The following PRELID2 variants were observed in gnomAD, a reference collection of about 807,000 sequenced individuals.
The protein encoded by PRELID2 is PRELI domain-containing protein 2.
PRELID2 carries 25 observed loss-of-function variants against 28.4 expected under a neutral mutation model. The ratio of observed to expected loss-of-function variants is 0.88; its 90% CI spans 0.64 to 1.23. The LOEUF is 1.23. PRELID2 is among the 50% of genes most tolerant of loss of function. The probability of loss-of-function intolerance (pLI) is 0.00; values close to 1 mark genes in which losing one functional copy is unlikely to be tolerated. For synonymous variants in PRELID2, 76 were observed against 71.6 expected (o/e 1.06, Z -0.31); for missense variants, 201 against 214.4 (o/e 0.94, Z 0.39).
intron 1 of PRELID2, among the ~76,000 whole-genome samples, chr5:145,746,495 T>G (rs1756994711): frequency 6.6e-6 from 1 of 152,132 alleles, no homozygotes; most frequent in East Asian, 1.9e-4. Context: ...TCTAAATATA[T>G]ATATGTACCC....
At chr5:145,397,372 T>G in the PRELID2 span, among the ~76,000 whole-genome samples, 1 of 152,112 alleles carries the variant, frequency 6.6e-6, no homozygotes, top group African/African-American at 2.4e-5. Flanking sequence ...AAATAGCATG[T>G]TGCTTGCTGT....
intron 5 of PRELID2, among the ~76,000 whole-genome samples, chr5:145,767,885 C>A (rs1461913896): frequency 6.6e-6 from 1 of 152,122 alleles, no homozygotes; most frequent in African/African-American, 2.4e-5. Flanking sequence ...TTAATCATTT[C>A]TGAAGATATA....
At chr5:145,701,061 G>C (rs1755394657) in intron 1 of PRELID2, among the ~76,000 whole-genome samples, 1 of 152,204 alleles carries the variant, frequency 6.6e-6, no homozygotes, top group Non-Finnish European at 1.5e-5. Flanking sequence ...TGCAGGCTCA[G>C]GCCAGTGGCC....
chr5:145,412,156 G>C, the PRELID2 span, among the ~76,000 whole-genome samples: 2 of 152,086 alleles, frequency 1.3e-5, no homozygotes, highest in Non-Finnish European at 2.9e-5. Context: ...TTAATATTTG[G>C]TTCCTCATTA....
chr5:145,802,801 GA>G (rs1444075755), intron 4 of PRELID2, among the ~76,000 whole-genome samples: 1 of 152,312 alleles, frequency 6.6e-6, no homozygotes, highest in Middle Eastern at 3.4e-3. Context: ...TTGTGAAAAT[GA>G]AGGGCAGCTT....
intron 4 of PRELID2, among the ~76,000 whole-genome samples, chr5:145,815,001 C>T (rs945803371): frequency 2.0e-5 from 3 of 152,300 alleles, no homozygotes; most frequent in Middle Eastern, 3.4e-3. Flanking sequence ...GGTGCCCTCC[C>T]CTGCCACCCC....
chr5:145,787,679 A>G (rs1264753446), intron 5 of PRELID2, among the ~76,000 whole-genome samples: 1 of 151,882 alleles, frequency 6.6e-6, no homozygotes, highest in African/African-American at 2.4e-5. Flanking sequence ...AGCTGGGATT[A>G]TAGGCATGCA....
chr5:145,493,451 G>A (rs1358223354), intron 1 of PRELID2, among the ~76,000 whole-genome samples: 1 of 152,170 alleles, frequency 6.6e-6, no homozygotes, highest in Non-Finnish European at 1.5e-5. Flanking sequence ...TATTGCTTCA[G>A]TGTCCTGATT....
At chr5:145,799,976 C>A (rs1045076435) in intron 4 of PRELID2, among the ~76,000 whole-genome samples, 2 of 152,158 alleles carry the variant, frequency 1.3e-5, no homozygotes, top group African/African-American at 2.4e-5. Flanking sequence ...AATTCAATTT[C>A]TTTGTAATAA....
the PRELID2 span, among the ~76,000 whole-genome samples, chr5:145,334,381 TTAA>T: frequency 6.6e-6 from 1 of 152,248 alleles, no homozygotes; most frequent in Non-Finnish European, 1.5e-5. Flanking sequence ...CTTTATCTTA[TTAA>T]TGTCACAATT....
chr5:145,440,257 G>C, the PRELID2 span, among the ~76,000 whole-genome samples: 1 of 152,084 alleles, frequency 6.6e-6, no homozygotes, highest in Non-Finnish European at 1.5e-5. Flanking sequence ...TGAGAGGATA[G>C]AGCCTTCCCC....
the PRELID2 span, among the ~76,000 whole-genome samples, chr5:145,230,953 G>A: frequency 6.6e-6 from 1 of 152,168 alleles, no homozygotes. Flanking sequence ...TCTTTCTGGA[G>A]AGAGATAACA....
chr5:145,327,258 C>G, the PRELID2 span, among the ~76,000 whole-genome samples: 23 of 152,172 alleles, frequency 1.5e-4, no homozygotes, highest in East Asian at 4.1e-3. Flanking sequence ...TAATTTCCCT[C>G]TTTAATTATG....
intron 5 of PRELID2, among the ~76,000 whole-genome samples, chr5:145,781,632 T>C (rs571609203): frequency 3.6e-5 from 5 of 137,288 alleles, no homozygotes; most frequent in South Asian, 2.3e-4. Flanking sequence ...ACTATATATA[T>C]ACACACTATA....
intron 5 of PRELID2, among the ~76,000 whole-genome samples, chr5:145,779,729 C>G (rs761397750): frequency 6.6e-6 from 1 of 152,040 alleles, no homozygotes; most frequent in Non-Finnish European, 1.5e-5. Context: ...CTCCTTCACT[C>G]TCATACTCAT....
At chr5:145,358,017 T>C in the PRELID2 span, among the ~76,000 whole-genome samples, 5 of 152,066 alleles carry the variant, frequency 3.3e-5, no homozygotes, top group Admixed American at 3.3e-4. Context: ...TCTTGGGTCT[T>C]GGACGAGCCC....
chr5:145,238,273 T>C, the PRELID2 span, among the ~76,000 whole-genome samples: 11 of 152,240 alleles, frequency 7.2e-5, no homozygotes, highest in South Asian at 2.1e-4. Context: ...TATAAGGTAA[T>C]TGTTATCCCC....
At chr5:145,263,726 A>G in the PRELID2 span, among the ~76,000 whole-genome samples, 1 of 152,100 alleles carries the variant, frequency 6.6e-6, no homozygotes, top group African/African-American at 2.4e-5. Flanking sequence ...TACATGCATA[A>G]ACTAGAAAAC....
the PRELID2 span, among the ~76,000 whole-genome samples, chr5:145,251,392 T>C: frequency 3.9e-5 from 6 of 152,146 alleles, no homozygotes; most frequent in Non-Finnish European, 8.8e-5. Context: ...AAGTTGCTGT[T>C]AGAATATATC....
Sources: gnomAD v4.1 joint callset for allele counts (sites outside exome capture counted in the v4.1 genomes callset) on GRCh38, gnomAD v4.1.1 for gene constraint, MANE v1.5 for transcripts, NCBI Gene and HGNC (gene_info 2026-07-23, HGNC 2026-07-21) for gene names.